Variants in ADAM23 observed in about 807,000 individuals in gnomAD.
The protein encoded by ADAM23 is disintegrin and metalloproteinase domain-containing protein 23.
Under a neutral mutation model 120.1 loss-of-function variants are expected in ADAM23, and 33 were observed. The observed-to-expected ratio is 0.27, with a 90% CI of 0.21 to 0.37. ADAM23 has a LOEUF of 0.37. Among genes scored for constraint, ADAM23 ranks in the 10% least tolerant of loss-of-function variants. The pLI is 1.00. For missense variants in ADAM23, 862 were observed against 1,058.2 expected (o/e 0.81, Z 2.57); for synonymous variants, 367 against 375.2 (o/e 0.98, Z 0.25).
rs568267200 is a variant in ADAM23, at chr2:206,506,386, A to G, written c.510-24499A>G. On this transcript the variant is annotated intron_variant, in intron 3 of 25. Coordinates refer to ENST00000264377, the MANE Select transcript of ADAM23 (RefSeq NM_003812.4). ...TAGAAGCAAAGCAGAATAGGGATGCAAAAAGTAGTAACTTCAGCTGAAAAG... is the reference window on the plus strand; with the variant it reads ...TAGAAGCAAAGCAGAATAGGGATGCGAAAAGTAGTAACTTCAGCTGAAAAG... Among the ~76,000 whole-genome samples the G allele has an allele frequency of 2.6e-5, 4 of 152,336 alleles. No individual in the cohort carries two copies. The South Asian group carries it at 8.3e-4, about 32-fold the overall frequency.
intron 2 of ADAM23, among the ~76,000 whole-genome samples, chr2:206,472,759 C>A (rs556051322): frequency 6.6e-6 from 1 of 152,184 alleles, no homozygotes; most frequent in Non-Finnish European, 1.5e-5. Flanking sequence ...ATCCATAAAT[C>A]CAAGCTTTCC....
chr2:206,448,069 A>G (rs1295741169), intron 2 of ADAM23, among the ~76,000 whole-genome samples: 1 of 152,214 alleles, frequency 6.6e-6, no homozygotes, highest in South Asian at 2.1e-4. Flanking sequence ...TGAATGCCTT[A>G]ATGTTTCTTT....
intron 24 of ADAM23, among the ~76,000 whole-genome samples, chr2:206,604,361 G>C (rs565123054): frequency 6.6e-6 from 1 of 152,172 alleles, no homozygotes; most frequent in Non-Finnish European, 1.5e-5. Flanking sequence ...TTTTAAAAAT[G>C]AGGCTTCATA....
intron 6 of ADAM23, among the ~76,000 whole-genome samples, chr2:206,546,805 A>G (rs939652727): frequency 1.3e-5 from 2 of 152,204 alleles, no homozygotes; most frequent in Admixed American, 6.5e-5. Flanking sequence ...TAATGTGTAC[A>G]TTAACAGTAC....
intron 4 of ADAM23, among the ~76,000 whole-genome samples, chr2:206,539,577 C>G (rs1697249430): frequency 6.6e-6 from 1 of 152,180 alleles, no homozygotes; most frequent in Non-Finnish European, 1.5e-5. Flanking sequence ...ACAGCAGTCA[C>G]TGTGAGGTAA....
At chr2:206,452,730 A>G (rs1421316881) in intron 2 of ADAM23, among the ~76,000 whole-genome samples, 1 of 152,134 alleles carries the variant, frequency 6.6e-6, no homozygotes, top group Non-Finnish European at 1.5e-5. Context: ...TCATGCAGGA[A>G]GAGAGCTCTC....
At chr2:206,576,896 A>G (rs1239100185) in intron 18 of ADAM23, among the ~76,000 whole-genome samples, 2 of 152,218 alleles carry the variant, frequency 1.3e-5, no homozygotes, top group African/African-American at 2.4e-5. Context: ...TGTTAGTGCT[A>G]TGAAATATGT....
chr2:206,552,570 A>G (rs982813859), intron 9 of ADAM23, among the ~76,000 whole-genome samples: 7 of 152,098 alleles, frequency 4.6e-5, no homozygotes, highest in African/African-American at 1.7e-4. Flanking sequence ...ACCATGTCAC[A>G]TGTTCTGTGA....
intron 3 of ADAM23, among the ~76,000 whole-genome samples, chr2:206,508,641 T>C (rs1172525031): frequency 7.4e-6 from 1 of 134,272 alleles, no homozygotes; most frequent in East Asian, 2.2e-4. Flanking sequence ...GGACTGAGAC[T>C]GAGACTCTGT....
intron 2 of ADAM23, among the ~76,000 whole-genome samples, chr2:206,461,652 G>A (rs554917947): frequency 6.6e-6 from 1 of 152,202 alleles, no homozygotes; most frequent in East Asian, 1.9e-4. Context: ...TAAGTCTCAG[G>A]TGATTTTGAT....
chr2:206,477,670 C>T (rs1559225109), intron 2 of ADAM23, among the ~76,000 whole-genome samples: 1 of 151,820 alleles, frequency 6.6e-6, no homozygotes, highest in African/African-American at 2.4e-5. Context: ...ATTTCTAAAC[C>T]TCACTGTATA....
At chr2:206,597,497 A>G (rs998241224) in intron 24 of ADAM23, among the ~76,000 whole-genome samples, 2 of 152,050 alleles carry the variant, frequency 1.3e-5, no homozygotes, top group African/African-American at 4.8e-5. Flanking sequence ...AGTCTGTGTT[A>G]TCAGGAGTAT....
chr2:206,533,135 A>G (rs1697102271), intron 4 of ADAM23, among the ~76,000 whole-genome samples: 1 of 152,196 alleles, frequency 6.6e-6, no homozygotes, highest in African/African-American at 2.4e-5. Flanking sequence ...ATATGTAAGA[A>G]TGGCTAGGTT....
chr2:206,587,351 C>T lies in ADAM23; in HGVS notation c.1764C>T (p.Asp588=), dbSNP rs142870912. 160 of 1,607,092 alleles carry T rather than the reference C, an allele frequency of 1.0e-4. No homozygotes were observed. The African/African-American group carries it at 1.8e-3, about 18-fold the overall frequency. The change falls in exon 19 of 26, where the codon GAC becomes GAT. Residue 588 remains aspartate, a synonymous_variant. Coordinates refer to ENST00000264377, the MANE Select transcript of ADAM23 (RefSeq NM_003812.4). ...GQCPPNLHKQ[D]GYACNQNQGR... Reference sequence around the variant, plus strand: ...GCCCACCAAATCTTCATAAGCAAGACGGATATGCATGCAATCAAAATCAGG... The same window carrying T: ...GCCCACCAAATCTTCATAAGCAAGATGGATATGCATGCAATCAAAATCAGG...
chr2:206,464,663 C>G (rs1218178708), intron 2 of ADAM23, among the ~76,000 whole-genome samples: 1 of 152,138 alleles, frequency 6.6e-6, no homozygotes, highest in Non-Finnish European at 1.5e-5. Flanking sequence ...CATACATCTT[C>G]TGTACATAGA....
intron 3 of ADAM23, among the ~76,000 whole-genome samples, chr2:206,489,237 A>AT (rs916957477): frequency 1.3e-5 from 2 of 152,014 alleles, no homozygotes; most frequent in Admixed American, 6.6e-5. Context: ...AATTTTTGTG[A>AT]TTCCTGAATC....
At chr2:206,522,129 A>AT (rs1276134833) in intron 3 of ADAM23, among the ~76,000 whole-genome samples, 2 of 151,890 alleles carry the variant, frequency 1.3e-5, no homozygotes, top group African/African-American at 4.8e-5. Context: ...GTATGTAAAT[A>AT]TATATGTATG....
At chr2:206,610,074 G>A in intron 25 of ADAM23, 74 bp downstream of exon 25, 2 of 1,323,506 alleles carry the variant, frequency 1.5e-6, no homozygotes, top group Non-Finnish European at 1.0e-6. Flanking sequence ...CAAGTTTTGA[G>A]TTCCTGCTAC....
At chr2:206,598,165 G>A (rs1240310490) in intron 24 of ADAM23, among the ~76,000 whole-genome samples, 1 of 152,094 alleles carries the variant, frequency 6.6e-6, no homozygotes, top group Non-Finnish European at 1.5e-5. Context: ...AACAAGAGAA[G>A]CCAAGGTTCA....
Sources: gnomAD v4.1 joint callset for allele counts (sites outside exome capture counted in the v4.1 genomes callset) on GRCh38, gnomAD v4.1.1 for gene constraint, MANE v1.5 for transcripts, NCBI Gene and HGNC (gene_info 2026-07-23, HGNC 2026-07-21) for gene names.